The following KDM6B variants were observed in gnomAD, a reference collection of about 807,000 sequenced individuals.
The protein encoded by KDM6B is lysine demethylase 6B.
Under a neutral mutation model 150.4 loss-of-function variants are expected in KDM6B, and 22 were observed. That is an observed-to-expected ratio of 0.15 (90% CI 0.10 to 0.21). The LOEUF (loss-of-function observed/expected upper bound fraction) is 0.21, where lower values mean the gene tolerates loss of function less well. Ranked by LOEUF, KDM6B falls within the 10% of genes least tolerant of loss-of-function variation. The pLI, the probability that KDM6B is intolerant of heterozygous loss-of-function variation, is 1.00. For synonymous variants in KDM6B, 1,148 were observed against 921.1 expected (o/e 1.25, Z -4.46); for missense variants, 1,984 against 2,234.3 (o/e 0.89, Z 2.26).
chr17:7,851,120 A>G lies in KDM6B; in HGVS notation c.3773A>G (p.Asp1258Gly). 6.2e-7 allele frequency: 1 copy of G among 1,613,758 alleles called. No homozygotes were observed. Among genetic ancestry groups the G allele is most frequent in the Non-Finnish European group, 8.5e-7 (1 of 1,180,012 alleles). ...QVQQPSDENWDLTGTRQIWPC... is the reference protein window; with the variant it reads ...QVQQPSDENWGLTGTRQIWPC... ...CAGCAGCCCTCAGATGAGAACTGGG[A>G]TCTGACAGGCACTCGGCAGATCTGG... The change falls in exon 15 of 24, where the codon GAT becomes GGT. Residue 1258 changes from aspartate (D) to glycine (G), a missense_variant. Physicochemically the swap from Asp to Gly is moderately conservative, Grantham distance 94. Transcript: ENST00000448097.
chr17:7,851,263 C>T (rs775989627), intron 15 of KDM6B, 37 bp downstream of exon 15: 21 of 1,612,934 alleles, frequency 1.3e-5, no homozygotes, highest in East Asian at 2.2e-5. Flanking sequence ...GGTCCTGGGA[C>T]GGGGCTGCGG....
At position 7,848,363 on chromosome 17, in the gene KDM6B, C is replaced by G; in HGVS notation, c.2075C>G (p.Pro692Arg). Residue 692 changes from proline (P) to arginine (R), a missense_variant, in exon 12 of 24, where the codon CCT (proline) becomes CGT (arginine). Around this residue, in one of 13 missense-constraint regions of KDM6B, gnomAD observed 1,379 missense variants for 1,275.6 expected, o/e 1.08. Coordinates refer to ENST00000448097, the MANE Select transcript of KDM6B (RefSeq NM_001348716.2). ...GAGCCAGCCGAATTCAAGATCCTAC[C>G]TGATGGGCTGGCCAACATCATGAAG... The part of the protein sequence containing the change: ...FEEPAEFKIL[P>R]DGLANIMKML... 6.2e-7 allele frequency: 1 copy of G among 1,612,990 alleles called. No individual in the cohort carries two copies. Among genetic ancestry groups the G allele is most frequent in the South Asian group, 1.1e-5 (1 of 91,090 alleles).
chr17:7,842,300 G>A (rs1567784790), intron 2 of KDM6B, among the ~76,000 whole-genome samples: 1 of 152,204 alleles, frequency 6.6e-6, no homozygotes, highest in Non-Finnish European at 1.5e-5. Flanking sequence ...CGCCGGGAGT[G>A]CCCGGATGGA....
rs1381652488 is a variant in KDM6B at position 7,844,056 on chromosome 17, G to GGC, written c.-268-845_-268-844insGC. On this transcript the variant is annotated intron_variant, in intron 2 of 23. Transcript: ENST00000448097. This position sits in a 1 kb window ranked among gnomAD's most constrained non-coding sequence, Gnocchi z 5.9. ...GGCCCCGCCCTCCTCCCTCCCTCAG[G>GGC]ACCCCCCCCCCCGCAGTACATTTAC... 6.5e-5 allele frequency among the ~76,000 whole-genome samples: 7 copies of GGC among 108,496 alleles called. No individual in the cohort carries two copies. Among genetic ancestry groups the GGC allele is most frequent in the Admixed American group, 9.3e-5 (1 of 10,712 alleles). 71.2% of individuals were successfully genotyped at this position (108,496 alleles called of 152,430 possible). A position where few individuals can be genotyped will look rare whatever the true frequency, so the allele number is the denominator to read the frequency against.
At position 7,849,960 on chromosome 17, in the gene KDM6B, C is replaced by G. The variant is rs760820865; in HGVS notation, c.3567+13C>G. 151 of 1,613,564 alleles carry G rather than the reference C, an allele frequency of 9.4e-5. 1 individual carries two copies. The highest frequency in any genetic ancestry group is 4.8e-4 in the South Asian group (44 of 91,094). ...ACCCAGCATCTATGTATGTGTGCCA[C>G]TTGGCCTCAGAACCACCCCTGCCAG... On this transcript the variant is annotated intron_variant, in intron 13 of 23. Transcript: ENST00000448097.
Position 7,848,475 on chromosome 17 carries a change from T to G in KDM6B, c.2187T>G (p.Phe729Leu), listed in dbSNP as rs2078612821. 6.2e-7 allele frequency: 1 copy of G among 1,611,742 alleles called. No homozygotes were observed. The highest frequency in any genetic ancestry group is 8.5e-7 in the Non-Finnish European group (1 of 1,179,858). ...CCCAACCCCCGCTGAAGGAGCCCTT[T>G]GCATCTCTGCAGTCTCCTTTCCCCA... ...VAPQPPLKEP[F>L]ASLQSPFPTD... The change falls in exon 12 of 24, where the codon TTT becomes TTG. Residue 729 changes from phenylalanine (F) to leucine (L), a missense_variant. Transcript: ENST00000448097.
chr17:7,836,432 G>A (rs1229062160), intron 1 of KDM6B, among the ~76,000 whole-genome samples: 1 of 152,222 alleles, frequency 6.6e-6, no homozygotes, highest in Non-Finnish European at 1.5e-5. Context: ...GCGGGGAGGG[G>A]CGGGAGAGTT....
chr17:7,838,698 C>T (rs550523157), intron 1 of KDM6B, among the ~76,000 whole-genome samples: 162 of 149,438 alleles, frequency 1.1e-3, no homozygotes, highest in African/African-American at 3.9e-3. Context: ...CTAGTCCCTC[C>T]CCCCAGCACA....
intron 1 of KDM6B, among the ~76,000 whole-genome samples, chr17:7,836,229 T>C (rs1208897949): frequency 6.6e-6 from 1 of 152,218 alleles, no homozygotes; most frequent in African/African-American, 2.4e-5. Flanking sequence ...TTCCTGCTCT[T>C]TGATGTGCAC....
At position 7,846,246 on chromosome 17, in the gene KDM6B, A is replaced by G. The variant is rs1373502276; in HGVS notation, c.405A>G (p.Arg135=). The G allele has an allele frequency of 1.9e-6, 3 of 1,613,892 alleles. No individual in the cohort carries two copies. Among genetic ancestry groups the G allele is most frequent in the Non-Finnish European group, 1.7e-6 (2 of 1,179,980 alleles). The change falls in exon 7 of 24, where the codon CGA becomes CGG. Residue 135 remains arginine (R), a synonymous_variant. Coordinates refer to ENST00000448097, the MANE Select transcript of KDM6B (RefSeq NM_001348716.2). ...EATRCYHSAL[R]YGGSFAELGP... is the part of the protein sequence containing the mutation. ...CACGCTGCTACCACAGCGCCCTTCG[A>G]TACGGAGGAAGCTTCGCTGAGCTGG...
At chr17:7,836,725 C>T (rs750616804) in intron 1 of KDM6B, among the ~76,000 whole-genome samples, 1 of 152,236 alleles carries the variant, frequency 6.6e-6, no homozygotes, top group Non-Finnish European at 1.5e-5. Context: ...GAGATAAGGA[C>T]GCCTGGGTTT....
At chr17:7,836,805 C>T (rs2078340078) in intron 1 of KDM6B, among the ~76,000 whole-genome samples, 1 of 152,214 alleles carries the variant, frequency 6.6e-6, no homozygotes, top group Non-Finnish European at 1.5e-5. Flanking sequence ...GAAGCTTAGC[C>T]AGCACACCCA....
rs1449462929 is a variant in KDM6B, at chr17:7,853,105, C to T, written c.4716C>T (p.Ala1572=). The T allele has an allele frequency of 6.2e-7, 1 of 1,614,034 alleles. No individual in the cohort carries two copies. The highest frequency in any genetic ancestry group is 8.5e-7 in the Non-Finnish European group (1 of 1,180,020). Residue 1572 remains alanine, a synonymous_variant, in exon 22 of 24, where the codon GCC becomes GCT. Transcript: ENST00000448097. ...AYQGRVKDEP[A]YYCNECDVEV... Reference sequence around the variant, plus strand: ...AGGGCCGTGTCAAGGACGAGCCAGCCTACTACTGCAACGAGTGCGATGTGA... The same window carrying T: ...AGGGCCGTGTCAAGGACGAGCCAGCTTACTACTGCAACGAGTGCGATGTGA...
chr17:7,846,370 T>TGGGGCGGG, intron 7 of KDM6B, 30 bp from the exon 8 acceptor site: 4 of 1,501,930 alleles, frequency 2.7e-6, no homozygotes, highest in Non-Finnish European at 2.7e-6. Context: ...ACCTGACATC[T>TGGGGCGGG]GCCCCTGCCC....
Position 7,852,133 on chromosome 17 carries a change from T to C in KDM6B, c.4281-16T>C, listed in dbSNP as rs755145358. The C allele has an allele frequency of 1.2e-5, 19 of 1,614,016 alleles. No homozygotes were observed. The South Asian group carries it at 1.8e-4, about 15-fold the overall frequency. On this transcript the variant is annotated splice_polypyrimidine_tract_variant and intron_variant, in intron 19 of 23. Transcript: ENST00000448097. ...CTCGGTCCCCAGTTCCCACCTGACC[T>C]GTGGCCACCCCGCAGGCACGGCGTG...
chr17:7,844,750 C>A lies in KDM6B; in HGVS notation c.-268-151C>A, dbSNP rs1225033778. ...CTGGCTGCCTTCTGGCCCTGACGGC[C>A]GGAGTGTCGGATCCTAGATGGGGAC... On this transcript the variant is annotated intron_variant, in intron 2 of 23. Coordinates refer to ENST00000448097, the MANE Select transcript of KDM6B (RefSeq NM_001348716.2). This position sits in a 1 kb window ranked among gnomAD's most constrained non-coding sequence, Gnocchi z 5.9. Among the ~76,000 whole-genome samples, 1 of 152,128 alleles carries A rather than the reference C, an allele frequency of 6.6e-6. No individual in the cohort carries two copies. Among genetic ancestry groups the A allele is most frequent in the African/African-American group, 2.4e-5 (1 of 41,418 alleles).
Position 7,847,133 on chromosome 17 carries a change from A to G in KDM6B, c.938A>G (p.Tyr313Cys), listed in dbSNP as rs978204722. ...CAGCGGCACTCGCTGCCTCACCCAT[A>G]TCCATACCCAGCTCCAGCGTACACC... ...QEQRHSLPHP[Y>C]PYPAPAYTAH... The change falls in exon 11 of 24, where the codon TAT (tyrosine) becomes TGT (cysteine). Residue 313 changes from tyrosine (Y) to cysteine (C), a missense_variant. Coordinates refer to ENST00000448097, the MANE Select transcript of KDM6B (RefSeq NM_001348716.2). The G allele has an allele frequency of 1.2e-6, 2 of 1,610,206 alleles. No individual in the cohort carries two copies. The highest frequency in any genetic ancestry group is 1.3e-5 in the African/African-American group (1 of 74,752).
rs745609052 is a variant in KDM6B at position 7,844,629 on chromosome 17, A to G, written c.-268-272A>G. Among the ~76,000 whole-genome samples the G allele has an allele frequency of 1.3e-5, 2 of 151,980 alleles. No homozygotes were observed. The highest frequency in any genetic ancestry group is 2.4e-5 in the African/African-American group (1 of 41,380). On this transcript the variant is annotated intron_variant, in intron 2 of 23. Coordinates refer to ENST00000448097, the MANE Select transcript of KDM6B (RefSeq NM_001348716.2). The surrounding 1 kb of genome is among the most constrained non-coding windows in gnomAD (Gnocchi z 5.9). ...CTACTCGAGCAGCCTGGCCGTGGCC[A>G]CCGGCGGCTCTGGGTGCTTGAGGCT...
chr17:7,853,105 C>A lies in KDM6B; in HGVS notation c.4716C>A (p.Ala1572=). ...AGGGCCGTGTCAAGGACGAGCCAGC[C>A]TACTACTGCAACGAGTGCGATGTGA... ...AYQGRVKDEP[A]YYCNECDVEV... Residue 1572 remains alanine, a synonymous_variant, in exon 22 of 24, where the codon GCC becomes GCA. Coordinates refer to ENST00000448097, the MANE Select transcript of KDM6B (RefSeq NM_001348716.2). The A allele has an allele frequency of 2.5e-6, 4 of 1,614,152 alleles. No individual in the cohort carries two copies. The highest frequency in any genetic ancestry group is 2.2e-5 in the South Asian group (2 of 91,068).
Sources: allele counts gnomAD v4.1 joint callset (sites outside exome capture counted in the v4.1 genomes callset), GRCh38; gene constraint gnomAD v4.1.1; regional missense constraint gnomAD v4.1.1; non-coding constraint Gnocchi (gnomAD v3.1); transcripts MANE v1.5; gene names NCBI Gene and HGNC (gene_info 2026-07-23, HGNC 2026-07-21).